Variants in SBF2 observed in about 807,000 individuals in gnomAD.
SBF2 encodes the protein SET binding factor 2, also known as myotubularin-related protein 13.
In SBF2, 112 loss-of-function variants were observed where a neutral mutation model predicts 225.2. That is an observed-to-expected ratio of 0.50 (90% CI 0.43 to 0.58). The LOEUF is 0.58. SBF2 is among the 20% of genes least tolerant of loss of function. SBF2 has a pLI of 0.00. For missense variants in SBF2, 1,996 were observed against 2,206.2 expected, an observed-to-expected ratio of 0.90 and a Z score of 1.91; for synonymous variants, 763 against 773.3, an observed-to-expected ratio of 0.99 and a Z score of 0.22.
chr11:10,036,337 AC>A (rs1466307229), intron 3 of SBF2, among the ~76,000 whole-genome samples: 1 of 152,082 alleles, frequency 6.6e-6, no homozygotes, highest in Non-Finnish European at 1.5e-5. Context: ...GGTGCAGCAA[AC>A]CACCATGGCA....
chr11:9,822,112 T>C (rs916099297), intron 28 of SBF2, among the ~76,000 whole-genome samples: 1 of 152,236 alleles, frequency 6.6e-6, no homozygotes, highest in Non-Finnish European at 1.5e-5. Context: ...GTTTTACATA[T>C]ACTATTTAAT....
In SBF2 at chr11:9,785,151, C is replaced by G. The variant is rs878855131; in HGVS notation, c.5205G>C (p.Gln1735His). 9.3e-6 allele frequency: 15 copies of G among 1,613,322 alleles called. No homozygotes were observed. Among genetic ancestry groups the G allele is most frequent in the Non-Finnish European group, 1.3e-5 (15 of 1,180,024 alleles). The stretch of plus-strand genomic sequence containing the variant: ...TGTTTTCATCATTCTTGGATGTATA[C>G]TGGCTATAGAGCGTGGCTGCTCTTC... The part of the protein sequence containing the change: ...VERRAATLYS[Q>H]YTSKNDENRS... Residue 1735 changes from glutamine (Q) to histidine (H), a missense_variant, in exon 37 of 40, where the codon CAG becomes CAC. Gln to His is a conservative substitution (Grantham distance 24). Coordinates refer to ENST00000256190, the MANE Select transcript of SBF2 (RefSeq NM_030962.4).
At chr11:9,854,140 T>G (rs966394286) in intron 19 of SBF2, among the ~76,000 whole-genome samples, 5 of 152,222 alleles carry the variant, frequency 3.3e-5, no homozygotes, top group African/African-American at 1.2e-4. Context: ...ACTTGGCAAC[T>G]GAGGAACATG....
chr11:10,233,035 C>T (rs1485867975), intron 1 of SBF2, among the ~76,000 whole-genome samples: 2 of 152,252 alleles, frequency 1.3e-5, no homozygotes, highest in East Asian at 3.9e-4. Flanking sequence ...ATAGAAAATG[C>T]TGAAAACATA....
At chr11:9,930,658 T>TGGTCTGCAGCTCC (rs1864424140) in intron 16 of SBF2, among the ~76,000 whole-genome samples, 1 of 152,220 alleles carries the variant, frequency 6.6e-6, no homozygotes, top group Non-Finnish European at 1.5e-5. Flanking sequence ...GGAACAGCTC[T>TGGTCTGCAGCTCC]GGTCTGCAGC....
chr11:9,994,043 G>C, intron 9 of SBF2, 45 bp from the exon 10 acceptor site: 1 of 1,124,146 alleles, frequency 8.9e-7, no homozygotes, highest in Non-Finnish European at 1.4e-6. Flanking sequence ...TAATATCAAT[G>C]AAATCTATTA....
chr11:10,067,400 C>T lies in SBF2; in HGVS notation c.142-24419G>A, dbSNP rs537321115. Among the ~76,000 whole-genome samples, 3 of 151,960 alleles carry T rather than the reference C, an allele frequency of 2.0e-5. No homozygotes were observed. The East Asian group carries it at 5.8e-4, about 29-fold the overall frequency. On this transcript the variant is annotated intron_variant, in intron 2 of 39. Transcript: ENST00000256190. ...TTGAGGGGGAGGGGGAAAGTGAGGACAGTAGAAGTTGTAAAACTGAGTTTG... is the reference window on the plus strand; with the variant it reads ...TTGAGGGGGAGGGGGAAAGTGAGGATAGTAGAAGTTGTAAAACTGAGTTTG...
At chr11:10,021,568 G>A (rs926521274) in intron 6 of SBF2, among the ~76,000 whole-genome samples, 2 of 152,120 alleles carry the variant, frequency 1.3e-5, no homozygotes, top group African/African-American at 2.4e-5. Context: ...AATTATTTCA[G>A]AAAAACACAG....
At chr11:10,086,711 A>G (rs1355782497) in intron 2 of SBF2, among the ~76,000 whole-genome samples, 1 of 152,216 alleles carries the variant, frequency 6.6e-6, no homozygotes, top group African/African-American at 2.4e-5. Flanking sequence ...CACTGCAGAG[A>G]TAACAGAGTG....
intron 2 of SBF2, among the ~76,000 whole-genome samples, chr11:10,133,431 A>C (rs1954178612): frequency 6.8e-6 from 1 of 147,852 alleles, no homozygotes; most frequent in Non-Finnish European, 1.5e-5. Context: ...GGCGGGCTGC[A>C]GGTCCCGAGC....
At chr11:9,801,711 A>G (rs1004477215) in intron 32 of SBF2, among the ~76,000 whole-genome samples, 1 of 152,268 alleles carries the variant, frequency 6.6e-6, no homozygotes, top group East Asian at 1.9e-4. Context: ...TTGCCTTGTT[A>G]TAAAACAGAT....
chr11:9,927,526 T>G (rs966569269), intron 16 of SBF2, among the ~76,000 whole-genome samples: 1 of 152,138 alleles, frequency 6.6e-6, no homozygotes, highest in South Asian at 2.1e-4. Flanking sequence ...CTGGAGTCAG[T>G]CTGGGCAAGA....
At chr11:10,004,588 A>AC (rs1948110757) in intron 6 of SBF2, among the ~76,000 whole-genome samples, 1 of 148,676 alleles carries the variant, frequency 6.7e-6, no homozygotes, top group African/African-American at 2.4e-5. Flanking sequence ...AAAAAAAAAA[A>AC]AAAAAAACAA....
intron 27 of SBF2, 34 bp from the exon 28 acceptor site, chr11:9,829,530 T>G: frequency 6.5e-7 from 1 of 1,534,946 alleles, no homozygotes; most frequent in African/African-American, 1.4e-5. Context: ...TAAAATAAAC[T>G]GTCTCTGTGT....
intron 2 of SBF2, among the ~76,000 whole-genome samples, chr11:10,192,818 G>A (rs949954079): frequency 1.3e-5 from 2 of 152,074 alleles, no homozygotes; most frequent in African/African-American, 4.8e-5. Context: ...TGAAGACACT[G>A]CTTCTATGTG....
intron 2 of SBF2, among the ~76,000 whole-genome samples, chr11:10,178,898 T>G (rs988555280): frequency 6.1e-5 from 9 of 148,180 alleles, no homozygotes; most frequent in African/African-American, 1.8e-4. Context: ...TGCACACGTA[T>G]GTTTATTGTG....
At chr11:10,012,641 G>T (rs76747380) in intron 6 of SBF2, among the ~76,000 whole-genome samples, 278 of 152,166 alleles carry the variant, frequency 1.8e-3, no homozygotes, top group African/African-American at 6.2e-3. Context: ...CAGTATGTGC[G>T]CTCAAAGTCA....
In SBF2 at chr11:10,042,540, C is replaced by G. The variant is rs569168624; in HGVS notation, c.279+304G>C. Among the ~76,000 whole-genome samples, 22 of 152,274 alleles carry G rather than the reference C, an allele frequency of 1.4e-4. 1 individual carries two copies. In the East Asian group the frequency reaches 3.3e-3, roughly 23 times the overall value. On this transcript the variant is annotated intron_variant, in intron 3 of 39. Transcript: ENST00000256190. The stretch of plus-strand genomic sequence containing the variant: ...TATGAAAGACCTCCCAGGAGAAGGG[C>G]TGGCAGGGAAAATCACAGGTTCACC...
chr11:10,240,084 A>G (rs546186401), intron 1 of SBF2, among the ~76,000 whole-genome samples: 1 of 152,238 alleles, frequency 6.6e-6, no homozygotes, highest in Non-Finnish European at 1.5e-5. Context: ...ATTAGAAGAA[A>G]GATTCTGCAA....
Sources: gnomAD v4.1 joint callset for allele counts (sites outside exome capture counted in the v4.1 genomes callset) on GRCh38, gnomAD v4.1.1 for gene constraint, MANE v1.5 for transcripts, NCBI Gene and HGNC (gene_info 2026-07-23, HGNC 2026-07-21) for gene names.